The following BRI3 variants were observed in gnomAD, a reference collection of about 807,000 sequenced individuals.
The protein encoded by BRI3 is brain protein I3.
In BRI3, 6 loss-of-function variants were observed where a neutral mutation model predicts 12.8. That is an observed-to-expected ratio of 0.47 (90% CI 0.26 to 0.93). The LOEUF is 0.93. BRI3 is among the 40% of genes least tolerant of loss of function. The probability of loss-of-function intolerance (pLI) is 0.15; values close to 1 mark genes in which losing one functional copy is unlikely to be tolerated. For synonymous variants in BRI3, 91 were observed against 76.1 expected, an observed-to-expected ratio of 1.20 and a Z score of -1.02; for missense variants, 134 against 171.1, an observed-to-expected ratio of 0.78 and a Z score of 1.21.
At chr7:98,296,908 A>G (rs1004930776), downstream of BRI3, among the ~76,000 whole-genome samples, 4 of 152,056 alleles carry the variant, frequency 2.6e-5, no homozygotes, top group Admixed American at 2.6e-4. Context: ...CGCATACCTC[A>G]CACTCAGCCC....
rs1427173907 is a variant in BRI3, at chr7:98,291,160, A to G, written c.295A>G (p.Ile99Val). The G allele has an allele frequency of 1.2e-6, 2 of 1,614,200 alleles. No homozygotes were observed. The highest frequency in any genetic ancestry group is 1.1e-5 in the South Asian group (1 of 91,080). The change falls in exon 3 of 3, where the codon ATC becomes GTC. Residue 99 changes from isoleucine (I) to valine (V), a missense_variant. Ile to Val is a conservative substitution (Grantham distance 29). Transcript: ENST00000297290. Reference protein sequence around the residue: ...CFTFLGIFLAIILFPFGFICC... With the variant: ...CFTFLGIFLAVILFPFGFICC... The stretch of plus-strand genomic sequence containing the variant: ...CACCTTCCTGGGCATCTTCCTGGCC[A>G]TCATCCTCTTCCCCTTTGGGTTCAT...
rs114305222 is a variant in BRI3, at chr7:98,308,252, C to T, written n.882C>T. 3,138 of 484,800 alleles carry T rather than the reference C, an allele frequency of 6.5e-3. 88 individuals are homozygous for T. Among genetic ancestry groups the T allele is most frequent in the African/African-American group, 0.056 (2,873 of 51,384 alleles). 30.0% of individuals were successfully genotyped at this position (484,800 alleles called of 1,614,324 possible). ...AACCGCTCCAACGCCAAACTGCCCT[C>T]GCAATTCCAATCGCAAAGGCAGGCT... On this transcript the variant is annotated non_coding_transcript_exon_variant, in exon 2 of 2. Coordinates refer to the BRI3 transcript ENST00000485422.
downstream of BRI3, among the ~76,000 whole-genome samples, chr7:98,295,436 C>T (rs1800151590): frequency 6.6e-6 from 1 of 152,200 alleles, no homozygotes; most frequent in Admixed American, 6.5e-5. Context: ...GCGGGGCACT[C>T]AACGCTTCCC....
At chr7:98,297,480 G>T (rs1800240592), downstream of BRI3, among the ~76,000 whole-genome samples, 1 of 152,176 alleles carries the variant, frequency 6.6e-6, no homozygotes, top group Non-Finnish European at 1.5e-5. Flanking sequence ...AGGTGGCCTT[G>T]CTCCTGAGCA....
At chr7:98,292,353 C>T (rs1475661628), downstream of BRI3, 16 of 388,628 alleles carry the variant, frequency 4.1e-5, no homozygotes, top group Admixed American at 8.0e-5. Context: ...TCCTGAGTGG[C>T]GCCCACCACC....
downstream of BRI3, among the ~76,000 whole-genome samples, chr7:98,314,171 C>T (rs1220608747): frequency 1.3e-5 from 2 of 151,034 alleles, no homozygotes; most frequent in Admixed American, 6.6e-5. Flanking sequence ...TTAGTAGAGA[C>T]AGGGTTTCAC....
At chr7:98,301,268 G>GC (rs1410031010) in intron 1 of BRI3, among the ~76,000 whole-genome samples, 2 of 152,168 alleles carry the variant, frequency 1.3e-5, no homozygotes, top group African/African-American at 4.8e-5. Flanking sequence ...TGCTGGATGG[G>GC]CCTTCTCATC....
At chr7:98,292,426 G>A (rs1396933871), downstream of BRI3, 17 of 566,874 alleles carry the variant, frequency 3.0e-5, no homozygotes, top group Admixed American at 1.6e-4. Context: ...CCCCTGCCTC[G>A]GCCTCACAAA....
chr7:98,294,147 G>A, downstream of BRI3: 2 of 1,607,614 alleles, frequency 1.2e-6, no homozygotes, highest in Non-Finnish European at 1.7e-6. Flanking sequence ...GGAGGGCTTA[G>A]AATTGGTCTT....
chr7:98,292,447 TC>T (rs11345007), downstream of BRI3: 62,845 of 595,860 alleles, frequency 0.11, 4,438 homozygotes, highest in South Asian at 0.24. Flanking sequence ...ATGCTGGGAT[TC>T]CCGTACCTGG....
intron 2 of BRI3, chr7:98,282,973 C>G (rs879364928): frequency 1.3e-5 from 2 of 154,284 alleles, no homozygotes; most frequent in East Asian, 3.8e-4. Context: ...CGCTCTTCCA[C>G]GAGCTGGACC....
chr7:98,294,288 T>G (rs1385684339), downstream of BRI3, among the ~76,000 whole-genome samples: 1 of 152,220 alleles, frequency 6.6e-6, no homozygotes, highest in Admixed American at 6.5e-5. Context: ...CCGCTGCGAC[T>G]GGCCTGTATT....
downstream of BRI3, among the ~76,000 whole-genome samples, chr7:98,313,668 G>C (rs1800961405): frequency 6.6e-6 from 1 of 152,032 alleles, no homozygotes; most frequent in Non-Finnish European, 1.5e-5. Context: ...ACCCAGGCTG[G>C]AGTGCACTGG....
At chr7:98,313,982 CT>C (rs35599338), downstream of BRI3, among the ~76,000 whole-genome samples, 8,094 of 100,794 alleles carry the variant, frequency 0.08, 163 homozygotes, top group Middle Eastern at 0.13. Flanking sequence ...CTTTTTCTTC[CT>C]TTTTTTTTTT....
exon 2 of BRI3, chr7:98,307,900 T>G (rs377026754): frequency 6.2e-6 from 10 of 1,614,128 alleles, no homozygotes; most frequent in Non-Finnish European, 6.8e-6. Flanking sequence ...GAAGTACCTG[T>G]TGGAGGGAGT....
upstream of BRI3, among the ~76,000 whole-genome samples, chr7:98,304,774 C>T (rs1401135822): frequency 1.3e-5 from 2 of 151,912 alleles, no homozygotes; most frequent in African/African-American, 4.8e-5. Context: ...GTCTTGAACT[C>T]CTGACCTCAG....
At chr7:98,293,565 G>C, downstream of BRI3, 1 of 1,613,922 alleles carries the variant, frequency 6.2e-7, no homozygotes, top group African/African-American at 1.3e-5. Context: ...ACAGTCGGGC[G>C]GAGTTTCACA....
chr7:98,291,466 A>G lies in BRI3; in HGVS notation c.*223A>G, dbSNP rs925936861. 61 of 1,363,398 alleles carry G rather than the reference A, an allele frequency of 4.5e-5. No individual in the cohort carries two copies. Among genetic ancestry groups the G allele is most frequent in the Non-Finnish European group, 5.8e-5 (61 of 1,059,142 alleles). The allele number at this position is 1,363,398 out of a possible 1,614,324, so 84.5% of individuals were successfully genotyped here. On this transcript the variant is annotated 3_prime_UTR_variant, in exon 3 of 3. Transcript: ENST00000297290. The stretch of plus-strand genomic sequence containing the variant: ...ATAAAGCACTGCTTTTATTTTTTGC[A>G]GTCTTCAATTTGAGAAAGGTGAGAA...
chr7:98,313,733 C>T (rs2116882591), downstream of BRI3, among the ~76,000 whole-genome samples: 1 of 152,192 alleles, frequency 6.6e-6, no homozygotes, highest in East Asian at 1.9e-4. Context: ...ATCCTTCCAC[C>T]TCAGCCTCCT....
Sources: allele counts gnomAD v4.1 joint callset (sites outside exome capture counted in the v4.1 genomes callset), GRCh38; gene constraint gnomAD v4.1.1; transcripts MANE v1.5; gene names NCBI Gene and HGNC (gene_info 2026-07-23, HGNC 2026-07-21).